The following SNRK variants were observed in gnomAD, a reference collection of about 807,000 sequenced individuals.
SNRK encodes SNF related kinase.
SNRK carries 3 observed loss-of-function variants against 48.2 expected under a neutral mutation model. That is an observed-to-expected ratio of 0.06 (90% CI 0.03 to 0.16). The LOEUF (loss-of-function observed/expected upper bound fraction) is 0.16. SNRK is among the 10% of genes least tolerant of loss of function. The probability of loss-of-function intolerance (pLI) is 1.00; values close to 1 mark genes in which losing one functional copy is unlikely to be tolerated. For missense variants in SNRK, 627 were observed against 976.0 expected, an observed-to-expected ratio of 0.64 and a Z score of 4.76; for synonymous variants, 376 against 366.1, an observed-to-expected ratio of 1.03 and a Z score of -0.31.
chr3:43,311,882 C>G (rs1388998503), intron 3 of SNRK, among the ~76,000 whole-genome samples: 2 of 152,114 alleles, frequency 1.3e-5, no homozygotes, highest in Non-Finnish European at 2.9e-5. Context: ...AAAAATGATA[C>G]TTTAAAATTT....
rs944814634 is a variant in SNRK, at chr3:43,348,548, T to C, written c.2289T>C (p.His763=). 6.5e-7 allele frequency: 1 copy of C among 1,535,998 alleles called. No homozygotes were observed. Among genetic ancestry groups the C allele is most frequent in the Admixed American group, 2.1e-5 (1 of 47,114 alleles). The change falls in exon 7 of 7, where the codon CAT becomes CAC. Residue 763 remains histidine, a synonymous_variant. Coordinates refer to ENST00000296088, the MANE Select transcript of SNRK (RefSeq NM_017719.5). Reference sequence around the variant, plus strand: ...CATCCAGCCCAGCCAGCTGTTGCCATGTCATCTGACTGTGGCCCCATCTGG... The same window carrying C: ...CATCCAGCCCAGCCAGCTGTTGCCACGTCATCTGACTGTGGCCCCATCTGG... ...LCASSPASCC[H]VI
chr3:43,290,921 AT>A (rs1437970606), intron 1 of SNRK, among the ~76,000 whole-genome samples: 1 of 152,218 alleles, frequency 6.6e-6, no homozygotes, highest in Non-Finnish European at 1.5e-5. Flanking sequence ...GACACAGATT[AT>A]TAACCACACA....
intron 3 of SNRK, among the ~76,000 whole-genome samples, chr3:43,316,201 T>A (rs1324026726): frequency 1.3e-5 from 2 of 152,220 alleles, no homozygotes; most frequent in Non-Finnish European, 2.9e-5. Context: ...TTAGCTGTGG[T>A]ACTTATTATT....
Position 43,303,176 on chromosome 3 carries a change from TA to T in SNRK, c.-25del. 1.3e-6 allele frequency: 2 copies of T among 1,545,470 alleles called. No homozygotes were observed. The highest frequency in any genetic ancestry group is 1.2e-5 in the South Asian group (1 of 86,672). On this transcript the variant is annotated 5_prime_UTR_variant, in exon 3 of 7. Transcript: ENST00000296088. This position sits in a 1 kb window ranked among gnomAD's most constrained non-coding sequence, Gnocchi z 6.2. Reference sequence around the variant, plus strand: ...ATGAGAAGATCTATTTTAAACAGTCTAAATATTTTTTCTTCTGTTGGACCAG... The same window carrying T: ...ATGAGAAGATCTATTTTAAACAGTCTAATATTTTTTCTTCTGTTGGACCAG...
At chr3:43,328,970 A>T (rs563979961) in intron 3 of SNRK, among the ~76,000 whole-genome samples, 1 of 152,360 alleles carries the variant, frequency 6.6e-6, no homozygotes, top group South Asian at 2.1e-4. Context: ...CTGAATACTT[A>T]GCATGGATTC....
At chr3:43,339,040 C>T (rs1448275832) in intron 4 of SNRK, among the ~76,000 whole-genome samples, 6 of 152,000 alleles carry the variant, frequency 3.9e-5, no homozygotes, top group Admixed American at 1.3e-4. Flanking sequence ...TTGTTTTTGA[C>T]TGATATTCTT....
chr3:43,312,598 T>C (rs73831249), intron 3 of SNRK, among the ~76,000 whole-genome samples: 3,803 of 152,256 alleles, frequency 0.025, 159 homozygotes, highest in African/African-American at 0.084. Flanking sequence ...GATATACATA[T>C]ATCACTTTTA....
intron 3 of SNRK, among the ~76,000 whole-genome samples, chr3:43,322,169 C>A (rs1028571316): frequency 6.6e-6 from 1 of 152,198 alleles, no homozygotes; most frequent in Non-Finnish European, 1.5e-5. Context: ...AGGGTCTAAT[C>A]ATTTTAAATT....
At chr3:43,295,967 G>T (rs2090849927) in intron 1 of SNRK, among the ~76,000 whole-genome samples, 1 of 152,070 alleles carries the variant, frequency 6.6e-6, no homozygotes, top group Admixed American at 6.5e-5. Flanking sequence ...TCAAACTCCT[G>T]ACCTCAAGTA....
At chr3:43,315,273 T>C (rs1483892060) in intron 3 of SNRK, 4 of 152,070 alleles carry the variant, frequency 2.6e-5, no homozygotes, top group African/African-American at 4.8e-5. Context: ...AAATCTGCAA[T>C]TATAAGTTGT....
At chr3:43,324,640 T>C (rs947166216) in intron 3 of SNRK, among the ~76,000 whole-genome samples, 4 of 152,204 alleles carry the variant, frequency 2.6e-5, no homozygotes, top group Admixed American at 6.5e-5. Flanking sequence ...TTCTAAACTT[T>C]TAATACGAAG....
rs1430746602 is a variant in SNRK, at chr3:43,323,198, G to GAC, written c.590-8969_590-8968dup. 1.2e-4 allele frequency among the ~76,000 whole-genome samples: 19 copies of GAC among 152,160 alleles called. 1 individual carries two copies. The highest frequency in any genetic ancestry group is 1.0e-3 in the South Asian group (5 of 4,826). On this transcript the variant is annotated intron_variant, in intron 3 of 6. Transcript: ENST00000296088. Reference sequence around the variant, plus strand: ...GTGTAAAAGCTCGATCTGTGTCATAGACATACATGTAAAATGAAAAACTAT... The same window carrying GAC: ...GTGTAAAAGCTCGATCTGTGTCATAGACACATACATGTAAAATGAAAAACTAT...
intron 3 of SNRK, among the ~76,000 whole-genome samples, chr3:43,318,740 A>AT (rs2091031195): frequency 6.6e-6 from 1 of 152,144 alleles, no homozygotes. Context: ...GTACTAAAGA[A>AT]TCGAGTCCGG....
At chr3:43,322,604 A>G (rs181489464) in intron 3 of SNRK, among the ~76,000 whole-genome samples, 65 of 152,306 alleles carry the variant, frequency 4.3e-4, no homozygotes, top group Middle Eastern at 3.4e-3. Flanking sequence ...AAAAAGTTTA[A>G]CCTTGCAAAT....
intron 1 of SNRK, among the ~76,000 whole-genome samples, chr3:43,286,911 G>GCGGCGGGGCC (rs1370475956): frequency 0.094 from 13,631 of 145,200 alleles, 883 homozygotes; most frequent in Non-Finnish European, 0.14. Context: ...CGGCGGGGCG[G>GCGGCGGGGCC]CGGCGGGGCC....
At position 43,303,248 on chromosome 3, in the gene SNRK, A is replaced by G. The variant is rs17075519; in HGVS notation, c.45A>G (p.Leu15=). Residue 15 remains leucine (L), a synonymous_variant, in exon 3 of 7, where the codon TTA becomes TTG. Transcript: ENST00000296088. The surrounding 1 kb of genome is among the most constrained non-coding windows in gnomAD (Gnocchi z 6.2). Reference sequence around the variant, plus strand: ...GGTATGATGGAAAGATTGCTGGATTATATGATCTGGATAAAACCTTGGGTC... The same window carrying G: ...GGTATGATGGAAAGATTGCTGGATTGTATGATCTGGATAAAACCTTGGGTC... ...KRGYDGKIAG[L]YDLDKTLGRG... 4.4e-3 allele frequency: 7,174 copies of G among 1,614,148 alleles called. 298 individuals carry two copies. The African/African-American group carries it at 0.083, about 19-fold the overall frequency.
intron 5 of SNRK, 46 bp from the exon 6 acceptor site, chr3:43,343,298 A>T: frequency 6.5e-7 from 1 of 1,531,380 alleles, no homozygotes; most frequent in Non-Finnish European, 8.7e-7. Context: ...CTTGTAAAAA[A>T]ACCTCCTGAT....
At chr3:43,327,259 T>A (rs2091103681) in intron 3 of SNRK, among the ~76,000 whole-genome samples, 1 of 152,192 alleles carries the variant, frequency 6.6e-6, no homozygotes, top group Non-Finnish European at 1.5e-5. Flanking sequence ...GTCTTAGGTT[T>A]TATTATAGAA....
At chr3:43,331,727 G>A (rs2091147997) in intron 3 of SNRK, among the ~76,000 whole-genome samples, 1 of 152,086 alleles carries the variant, frequency 6.6e-6, no homozygotes, top group South Asian at 2.1e-4. Flanking sequence ...ACATCACCTG[G>A]TTACCTCACT....
Sources: gnomAD v4.1 joint callset for allele counts (sites outside exome capture counted in the v4.1 genomes callset) on GRCh38, gnomAD v4.1.1 for gene constraint, Gnocchi (gnomAD v3.1) non-coding constraint, MANE v1.5 for transcripts, NCBI Gene and HGNC (gene_info 2026-07-23, HGNC 2026-07-21) for gene names.